MS4A10: variants seen among roughly 807,000 people sequenced by gnomAD.
MS4A10 encodes membrane spanning 4-domains A10.
MS4A10 carries 27 observed loss-of-function variants against 27.7 expected under a neutral mutation model. The observed-to-expected ratio is 0.98, with a 90% confidence interval of 0.72 to 1.35. MS4A10 has a LOEUF of 1.35. Ranked by LOEUF, MS4A10 falls within the 40% of genes most tolerant of loss-of-function variation. The pLI is 0.00. For missense variants in MS4A10, 338 were observed against 324.7 expected, an observed-to-expected ratio of 1.04 and a Z score of -0.32; for synonymous variants, 139 against 131.2, an observed-to-expected ratio of 1.06 and a Z score of -0.41.
rs2134753467 is a variant in MS4A10, at chr11:60,793,970, A to G, written c.361-2A>G. 1.2e-6 allele frequency: 2 copies of G among 1,613,894 alleles called. No homozygotes were observed. The highest frequency in any genetic ancestry group is 4.5e-5 in the East Asian group (2 of 44,870). Reference sequence around the variant, plus strand: ...GCTGTTACCTTTATTTTTCACCTATAGAAGATGTTGTGCCTGATGACAAAC... The same window carrying G: ...GCTGTTACCTTTATTTTTCACCTATGGAAGATGTTGTGCCTGATGACAAAC... On this transcript the variant is annotated splice_acceptor_variant, in intron 4 of 7. Transcript: ENST00000308287. LOFTEE classifies it high-confidence loss of function.
At chr11:60,787,918 G>A (rs1854366892) in intron 1 of MS4A10, among the ~76,000 whole-genome samples, 1 of 152,236 alleles carries the variant, frequency 6.6e-6, no homozygotes, top group South Asian at 2.1e-4. Context: ...TCAGGAGGCT[G>A]AGGCAGGAGA....
intron 3 of MS4A10, 75 bp from the exon 4 acceptor site, chr11:60,792,189 TA>T: frequency 1.7e-6 from 2 of 1,145,544 alleles, no homozygotes; most frequent in Non-Finnish European, 2.6e-6. Flanking sequence ...TCTTGGAGAA[TA>T]GGGGTGGGGG....
intron 7 of MS4A10, 39 bp downstream of exon 7, chr11:60,798,553 C>T: frequency 2.0e-6 from 3 of 1,500,724 alleles, no homozygotes; most frequent in Non-Finnish European, 2.8e-6. Flanking sequence ...ACCTTCAGAA[C>T]CCACGCTTGG....
rs1843458033 is a variant in MS4A10, at chr11:60,798,500, C to T, written c.708C>T (p.His236=). ...GTGTGATTCAAGGCGACGCACAACA[C>T]AAGCAACATCAGAGGTGAAGAGGTT... ...YQSVIQGDAQ[H]KQHQRLREVK... is the part of the protein sequence containing the mutation. The change falls in exon 7 of 8, where the codon CAC becomes CAT. Residue 236 remains histidine, a synonymous_variant. Coordinates refer to ENST00000308287, the MANE Select transcript of MS4A10 (RefSeq NM_206893.4). 6.2e-7 allele frequency: 1 copy of T among 1,613,774 alleles called. No individual in the cohort carries two copies. The highest frequency in any genetic ancestry group is 1.3e-5 in the African/African-American group (1 of 74,922).
chr11:60,795,725 G>C lies in MS4A10; in HGVS notation c.603+60G>C, dbSNP rs965539194. The C allele has an allele frequency of 3.7e-6, 4 of 1,095,764 alleles. No individual in the cohort carries two copies. The East Asian group carries it at 1.1e-4, about 31-fold the overall frequency. 67.9% of individuals were successfully genotyped at this position (1,095,764 alleles called of 1,614,324 possible). Reference sequence around the variant, plus strand: ...AAATGGGGGCATGAGGCAGCAGAGAGCTCAGAAAGGAAAGATATGTGGGGG... The same window carrying C: ...AAATGGGGGCATGAGGCAGCAGAGACCTCAGAAAGGAAAGATATGTGGGGG... On this transcript the variant is annotated intron_variant, in intron 6 of 7. Coordinates refer to ENST00000308287, the MANE Select transcript of MS4A10 (RefSeq NM_206893.4).
At chr11:60,794,330 G>A (rs773447976) in intron 5 of MS4A10, among the ~76,000 whole-genome samples, 1 of 152,216 alleles carries the variant, frequency 6.6e-6, no homozygotes, top group Non-Finnish European at 1.5e-5. Context: ...TATAGATTGG[G>A]AAATGGGGCC....
At position 60,790,304 on chromosome 11, in the gene MS4A10, C is replaced by T. The variant is rs113739171; in HGVS notation, c.-22-10C>T. 17,398 of 1,610,586 alleles carry T rather than the reference C, an allele frequency of 0.011. 112 individuals carry two copies. Among genetic ancestry groups the T allele is most frequent in the Non-Finnish European group, 0.012 (14,336 of 1,177,854 alleles). On this transcript the variant is annotated splice_polypyrimidine_tract_variant and intron_variant, in intron 1 of 7. Transcript: ENST00000308287. ...GACGGGTTCTGACGGCCTTCCTCCC[C>T]GTCCTGCAGCCAGGGCCCCCATCCA...
intron 6 of MS4A10, 31 bp from the exon 7 acceptor site, chr11:60,798,365 A>G: frequency 6.5e-7 from 1 of 1,531,434 alleles, no homozygotes; most frequent in Non-Finnish European, 9.0e-7. Context: ...CACAGCTGTG[A>G]GCAGCAGGGG....
chr11:60,790,965 C>T lies in MS4A10; in HGVS notation c.184-9C>T, dbSNP rs1227925000. Reference sequence around the variant, plus strand: ...CCCTCACCCCAGCCATTCTCTCTTCCCCACCCAGGCCTTCCACATCACCAT... The same window carrying T: ...CCCTCACCCCAGCCATTCTCTCTTCTCCACCCAGGCCTTCCACATCACCAT... On this transcript the variant is annotated splice_polypyrimidine_tract_variant and intron_variant, in intron 2 of 7. Coordinates refer to ENST00000308287, the MANE Select transcript of MS4A10 (RefSeq NM_206893.4). The T allele has an allele frequency of 1.2e-6, 2 of 1,613,874 alleles. No homozygotes were observed. Among genetic ancestry groups the T allele is most frequent in the Non-Finnish European group, 1.7e-6 (2 of 1,179,950 alleles).
chr11:60,791,383 A>G (rs1191665065), intron 3 of MS4A10, among the ~76,000 whole-genome samples: 2 of 152,166 alleles, frequency 1.3e-5, no homozygotes, highest in Non-Finnish European at 2.9e-5. Flanking sequence ...GGTGAGTAAG[A>G]CCCAGGGACA....
At chr11:60,794,795 C>T (rs1854497321) in intron 5 of MS4A10, among the ~76,000 whole-genome samples, 1 of 152,296 alleles carries the variant, frequency 6.6e-6, no homozygotes, top group South Asian at 2.1e-4. Context: ...CCTGCCTCAG[C>T]CTCTCGAGTA....
In MS4A10 at chr11:60,792,245, C is replaced by T. The variant is rs1332162858; in HGVS notation, c.304-20C>T. The T allele has an allele frequency of 6.2e-7, 1 of 1,610,506 alleles. No individual in the cohort carries two copies. On this transcript the variant is annotated intron_variant, in intron 3 of 7. Coordinates refer to ENST00000308287, the MANE Select transcript of MS4A10 (RefSeq NM_206893.4). ...AGGAACCCCAGCTTCTCTCCTTTGA[C>T]TTTCAAATCTGTCCTGCAGTTTCTC...
Position 60,799,347 on chromosome 11 carries a change from T to C in MS4A10, c.723-481T>C, listed in dbSNP as rs563093858. On this transcript the variant is annotated intron_variant, in intron 7 of 7. Transcript: ENST00000308287. ...AATTTCAGTCATCTGAGGAATAGTC[T>C]TCAGGACTTTTGCTTATTTGTGAGC... Among the ~76,000 whole-genome samples, 3 of 152,338 alleles carry C rather than the reference T, an allele frequency of 2.0e-5. No individual in the cohort carries two copies. The East Asian group carries it at 5.8e-4, about 29-fold the overall frequency.
intron 7 of MS4A10, among the ~76,000 whole-genome samples, chr11:60,798,943 G>A (rs1854580809): frequency 1.3e-5 from 2 of 152,192 alleles, no homozygotes; most frequent in South Asian, 2.1e-4. Flanking sequence ...TCTCCAGAGC[G>A]GCACAGGCAG....
chr11:60,788,552 C>T (rs748300579), intron 1 of MS4A10, among the ~76,000 whole-genome samples: 3 of 152,250 alleles, frequency 2.0e-5, no homozygotes, highest in Non-Finnish European at 4.4e-5. Flanking sequence ...TCCCTTAGTC[C>T]AGCTAGCTGT....
rs749294624 is a variant in MS4A10, at chr11:60,790,373, C to T, written c.38C>T (p.Ala13Val). The change falls in exon 2 of 8, where the codon GCT (alanine) becomes GTT (valine). Residue 13 changes from alanine (A) to valine (V), a missense_variant. Physicochemically the swap from Ala to Val is moderately conservative, Grantham distance 64 (BLOSUM62 0). Coordinates refer to ENST00000308287, the MANE Select transcript of MS4A10 (RefSeq NM_206893.4). ...GCCACAGTTATTCCCAGCCGTTGTG[C>T]TAGGGGGCTCCCATCATGGCAAGTC... ...AEATVIPSRC[A>V]RGLPSWQVLS... 3.1e-6 allele frequency: 5 copies of T among 1,614,104 alleles called. No individual in the cohort carries two copies. Among genetic ancestry groups the T allele is most frequent in the Non-Finnish European group, 4.2e-6 (5 of 1,179,988 alleles).
intron 4 of MS4A10, 30 bp downstream of exon 4, chr11:60,792,351 C>T (rs2134751774): frequency 6.7e-7 from 1 of 1,498,640 alleles, no homozygotes. Flanking sequence ...TCATTCTCTT[C>T]CATCTGAGCA....
Position 60,794,234 on chromosome 11 carries a change from A to T in MS4A10, c.492+131A>T, listed in dbSNP as rs566640186. 1,078 of 1,042,410 alleles carry T rather than the reference A, an allele frequency of 1.0e-3. 1 individual carries two copies. The highest frequency in any genetic ancestry group is 1.4e-3 in the Non-Finnish European group (1,001 of 713,612). 64.6% of individuals were successfully genotyped at this position (1,042,410 alleles called of 1,614,324 possible). On this transcript the variant is annotated intron_variant, in intron 5 of 7. Transcript: ENST00000308287. ...GTGTGGGCTGCTGGGCCCTTTGCCA[A>T]CCTGTTTCTGTCCCCTACAAGGTGT...
intron 4 of MS4A10, 96 bp from the exon 5 acceptor site, chr11:60,793,876 G>T (rs1854473981): frequency 1.4e-6 from 2 of 1,401,066 alleles, no homozygotes; most frequent in Non-Finnish European, 2.0e-6. Context: ...AGTCTCTCCT[G>T]AGGCTACAGA....
Sources: allele counts gnomAD v4.1 joint callset (sites outside exome capture counted in the v4.1 genomes callset), GRCh38; gene constraint gnomAD v4.1.1; transcripts MANE v1.5; gene names NCBI Gene and HGNC (gene_info 2026-07-23, HGNC 2026-07-21).